The following CCDC152 variants were observed in gnomAD, a reference collection of about 807,000 sequenced individuals.
CCDC152 encodes coiled-coil domain-containing protein 152.
CCDC152 carries 37 observed loss-of-function variants against 38.1 expected under a neutral mutation model. The ratio of observed to expected loss-of-function variants is 0.97; its 90% CI spans 0.75 to 1.28. The LOEUF (loss-of-function observed/expected upper bound fraction) is 1.28. Ranked by LOEUF, CCDC152 falls within the 50% of genes most tolerant of loss-of-function variation. The pLI, the probability that CCDC152 is intolerant of heterozygous loss-of-function variation, is 0.00. For synonymous variants in CCDC152, 83 were observed against 87.1 expected (o/e 0.95, Z 0.26); for missense variants, 259 against 292.1 (o/e 0.89, Z 0.83).
At position 42,799,322 on chromosome 5, in the gene CCDC152, A is replaced by G. The variant is rs553378655; in HGVS notation, c.559-53A>G. ...TAACATGGATTATAATTATAGAAAC[A>G]ATTGTTTCTAATTGTCTAGAGTTTC... On this transcript the variant is annotated intron_variant, in intron 7 of 8. Coordinates refer to ENST00000361970, the MANE Select transcript of CCDC152 (RefSeq NM_001134848.2). 1.6e-5 allele frequency: 15 copies of G among 910,516 alleles called. No homozygotes were observed. The South Asian group carries it at 2.4e-4, about 15-fold the overall frequency. The allele number at this position is 910,516 out of a possible 1,614,324, so 56.4% of individuals were successfully genotyped here.
At chr5:42,792,851 A>C (rs999460684) in intron 6 of CCDC152, among the ~76,000 whole-genome samples, 19 of 152,204 alleles carry the variant, frequency 1.2e-4, no homozygotes, top group African/African-American at 1.2e-4. Flanking sequence ...AGAGTGCAGG[A>C]GCTGGGGCAA....
intron 4 of CCDC152, among the ~76,000 whole-genome samples, chr5:42,771,887 G>A (rs1003154533): frequency 6.6e-6 from 1 of 151,958 alleles, no homozygotes; most frequent in African/African-American, 2.4e-5. Context: ...AAAAGCAAAG[G>A]GAACACTTCC....
intron 5 of CCDC152, among the ~76,000 whole-genome samples, chr5:42,780,828 T>G (rs1354322069): frequency 2.0e-5 from 3 of 152,224 alleles, no homozygotes; most frequent in Non-Finnish European, 4.4e-5. Flanking sequence ...AATCATTGTT[T>G]TTTATATCAA....
intron 6 of CCDC152, among the ~76,000 whole-genome samples, chr5:42,791,431 C>T (rs62370911): frequency 0.26 from 39,463 of 152,048 alleles, 5,711 homozygotes; most frequent in Admixed American, 0.38. Context: ...TACTGTCAAC[C>T]CTGGCTTGCA....
chr5:42,799,080 C>T (rs530205139), intron 7 of CCDC152, among the ~76,000 whole-genome samples: 12 of 152,138 alleles, frequency 7.9e-5, no homozygotes, highest in South Asian at 4.1e-4. Flanking sequence ...AAAAAGATGA[C>T]GCTAGCTGCA....
At position 42,786,239 on chromosome 5, in the gene CCDC152, C is replaced by T. The variant is rs182670745; in HGVS notation, c.430+2663C>T. 2.2e-3 allele frequency among the ~76,000 whole-genome samples: 340 copies of T among 152,046 alleles called. 1 individual carries two copies. Among genetic ancestry groups the T allele is most frequent in the Admixed American group, 5.0e-3 (76 of 15,264 alleles). On this transcript the variant is annotated intron_variant, in intron 6 of 8. Transcript: ENST00000361970. ...AGAATTTGGCTGGCCTGTAAATACT[C>T]TAGTCCTGGGATTTTGTTGTTGTTG...
chr5:42,787,063 G>T (rs1034997208), intron 6 of CCDC152, among the ~76,000 whole-genome samples: 2 of 151,852 alleles, frequency 1.3e-5, no homozygotes, highest in Non-Finnish European at 2.9e-5. Flanking sequence ...TTTATGATCA[G>T]GCATATGGTC....
chr5:42,773,008 C>G (rs1225595322), intron 4 of CCDC152, among the ~76,000 whole-genome samples: 2 of 152,196 alleles, frequency 1.3e-5, no homozygotes, highest in Admixed American at 1.3e-4. Context: ...ATTTTCCTCT[C>G]TCCCAAGAGA....
At chr5:42,787,097 C>T (rs1035127150) in intron 6 of CCDC152, among the ~76,000 whole-genome samples, 1 of 151,940 alleles carries the variant, frequency 6.6e-6, no homozygotes, top group Non-Finnish European at 1.5e-5. Context: ...GTTCTATGCA[C>T]AGATGAGAAA....
chr5:42,780,774 C>G (rs1579715164), intron 5 of CCDC152, among the ~76,000 whole-genome samples: 1 of 152,056 alleles, frequency 6.6e-6, no homozygotes, highest in Non-Finnish European at 1.5e-5. Context: ...TACCCAATAG[C>G]AGTATTTGTG....
chr5:42,784,799 G>A (rs1397851200), intron 6 of CCDC152, among the ~76,000 whole-genome samples: 2 of 152,070 alleles, frequency 1.3e-5, no homozygotes, highest in African/African-American at 4.8e-5. Context: ...TGGAGGTCCA[G>A]TTTAATTCTT....
intron 6 of CCDC152, among the ~76,000 whole-genome samples, chr5:42,791,001 T>G (rs76876950): frequency 0.018 from 2,716 of 152,256 alleles, 144 homozygotes; most frequent in South Asian, 0.18. Context: ...CTGTGGTTCT[T>G]GTTGGCCTCT....
In CCDC152 at chr5:42,796,822, T is replaced by A; in HGVS notation, c.431-7T>A. On this transcript the variant is annotated splice_polypyrimidine_tract_variant and splice_region_variant and intron_variant, in intron 6 of 8. Transcript: ENST00000361970. Reference sequence around the variant, plus strand: ...CAAATGAATTTTATTTATTTCATTTTATTCAGTTGAATTAAATGAAGAAAA... The same window carrying A: ...CAAATGAATTTTATTTATTTCATTTAATTCAGTTGAATTAAATGAAGAAAA... 7.2e-7 allele frequency: 1 copy of A among 1,385,944 alleles called. No homozygotes were observed. The highest frequency in any genetic ancestry group is 9.6e-7 in the Non-Finnish European group (1 of 1,039,748). 85.9% of individuals were successfully genotyped at this position (1,385,944 alleles called of 1,614,324 possible).
intron 4 of CCDC152, 62 bp downstream of exon 4, chr5:42,769,727 A>G: frequency 7.0e-7 from 1 of 1,430,312 alleles, no homozygotes; most frequent in Non-Finnish European, 9.2e-7. Context: ...CTTTAAAAAT[A>G]GGAAGTTTTT....
intron 1 of CCDC152, among the ~76,000 whole-genome samples, chr5:42,757,405 A>G (rs755665345): frequency 3.0e-4 from 46 of 152,196 alleles, no homozygotes; most frequent in Non-Finnish European, 5.4e-4. Flanking sequence ...AGGACCCAAA[A>G]GGAAACGGAA....
intron 2 of CCDC152, among the ~76,000 whole-genome samples, chr5:42,760,528 G>A (rs1390744829): frequency 2.0e-5 from 3 of 152,278 alleles, no homozygotes; most frequent in Non-Finnish European, 4.4e-5. Context: ...CCACAAGTGT[G>A]TATTGGGTTT....
At chr5:42,764,881 T>G (rs1259058674) in intron 3 of CCDC152, among the ~76,000 whole-genome samples, 17 of 152,206 alleles carry the variant, frequency 1.1e-4, no homozygotes, top group Admixed American at 1.1e-3. Context: ...GAATGTCCAC[T>G]GTCACCACTG....
intron 7 of CCDC152, among the ~76,000 whole-genome samples, chr5:42,798,856 G>C (rs1760117232): frequency 6.6e-6 from 1 of 152,164 alleles, no homozygotes; most frequent in Non-Finnish European, 1.5e-5. Context: ...ATTGAAACCA[G>C]CAAGGGTTCA....
At position 42,783,620 on chromosome 5, in the gene CCDC152, A is replaced by C. The variant is rs745675316; in HGVS notation, c.430+44A>C. The C allele has an allele frequency of 4.0e-6, 4 of 1,003,674 alleles. No homozygotes were observed. In the South Asian group the frequency reaches 9.5e-5, roughly 24 times the overall value. The allele number at this position is 1,003,674 out of a possible 1,614,324, so 62.2% of individuals were successfully genotyped here. ...TGCTTTTTTGTTATTGATTCAACAGATATAATGTGTGGGTTTGTTACATGG... is the reference window on the plus strand; with the variant it reads ...TGCTTTTTTGTTATTGATTCAACAGCTATAATGTGTGGGTTTGTTACATGG... On this transcript the variant is annotated intron_variant, in intron 6 of 8. Transcript: ENST00000361970.
Sources: gnomAD v4.1 joint callset for allele counts (sites outside exome capture counted in the v4.1 genomes callset) on GRCh38, gnomAD v4.1.1 for gene constraint, MANE v1.5 for transcripts, NCBI Gene and HGNC (gene_info 2026-07-23, HGNC 2026-07-21) for gene names.